Variants in USP47 observed in about 807,000 individuals in gnomAD.
USP47 encodes the protein ubiquitin carboxyl-terminal hydrolase 47.
A neutral mutation model predicts 165.1 loss-of-function variants in USP47; 35 were observed. The ratio of observed to expected loss-of-function variants is 0.21; its 90% CI spans 0.16 to 0.28. The LOEUF (loss-of-function observed/expected upper bound fraction) is 0.28. USP47 is among the 10% of genes least tolerant of loss of function. USP47 has a pLI of 1.00. For missense variants in USP47, 1,277 were observed against 1,607.4 expected, an observed-to-expected ratio of 0.79 and a Z score of 3.52; for synonymous variants, 531 against 544.5, an observed-to-expected ratio of 0.98 and a Z score of 0.35.
At chr11:11,877,425 TTATC>T (rs1564860581) in intron 1 of USP47, among the ~76,000 whole-genome samples, 3 of 152,150 alleles carry the variant, frequency 2.0e-5, no homozygotes, top group African/African-American at 7.2e-5. Flanking sequence ...GCAGAGCTTT[TTATC>T]TGTTTAAATC....
At chr11:11,938,033 G>C (rs1855200940) in intron 17 of USP47, among the ~76,000 whole-genome samples, 4 of 151,948 alleles carry the variant, frequency 2.6e-5, no homozygotes, top group Admixed American at 2.6e-4. Context: ...TGATGAACAA[G>C]GTGGCTTAAT....
At position 11,958,403 on chromosome 11, in the gene USP47, G is replaced by A. The variant is rs992227954; in HGVS notation, c.*2228G>A. 1.6e-4 allele frequency: 24 copies of A among 152,230 alleles called. No individual in the cohort carries two copies. The highest frequency in any genetic ancestry group is 5.9e-5 in the Non-Finnish European group (4 of 68,046). The allele number at this position is 152,230 out of a possible 1,614,324, so 9.4% of individuals were successfully genotyped here. On this transcript the variant is annotated 3_prime_UTR_variant, in exon 28 of 28. Transcript: ENST00000527733. The stretch of plus-strand genomic sequence containing the variant: ...GTGCCTGATAGAGTGAAAACACAAA[G>A]TTGCACTTTAATAATTTCAATAAAA...
intron 8 of USP47, among the ~76,000 whole-genome samples, chr11:11,912,080 AGAGG>A (rs1345223231): frequency 1.3e-5 from 2 of 152,016 alleles, no homozygotes; most frequent in Non-Finnish European, 2.9e-5. Flanking sequence ...AGCAATACCG[AGAGG>A]GAAACTCACA....
At chr11:11,929,034 T>C (rs143276224) in intron 11 of USP47, among the ~76,000 whole-genome samples, 1 of 152,146 alleles carries the variant, frequency 6.6e-6, no homozygotes, top group East Asian at 1.9e-4. Flanking sequence ...AGCTCTTTTG[T>C]AAAGGAAATA....
At chr11:11,944,232 G>A (rs1332309932) in intron 20 of USP47, among the ~76,000 whole-genome samples, 1 of 150,680 alleles carries the variant, frequency 6.6e-6, no homozygotes, top group African/African-American at 2.4e-5. Flanking sequence ...GCAGCCTTAT[G>A]CTTCATCTCA....
In USP47 at chr11:11,958,271, A is replaced by G. The variant is rs1440096236; in HGVS notation, c.*2096A>G. Reference sequence around the variant, plus strand: ...TGCCTTCTGCTCTGTTCTTTGTTTTATGTTTAACTGCTGTTTCTAATTGCA... The same window carrying G: ...TGCCTTCTGCTCTGTTCTTTGTTTTGTGTTTAACTGCTGTTTCTAATTGCA... On this transcript the variant is annotated 3_prime_UTR_variant, in exon 28 of 28. Transcript: ENST00000527733. 1 of 152,180 alleles carries G rather than the reference A, an allele frequency of 6.6e-6. No individual in the cohort carries two copies. The highest frequency in any genetic ancestry group is 2.4e-5 in the African/African-American group (1 of 41,442). 9.4% of individuals were successfully genotyped at this position (152,180 alleles called of 1,614,324 possible). A position where few individuals can be genotyped will look rare whatever the true frequency, so the allele number is the denominator to read the frequency against.
At position 11,940,476 on chromosome 11, in the gene USP47, C is replaced by T; in HGVS notation, c.2241C>T (p.Cys747=). The change falls in exon 19 of 28, where the codon TGC becomes TGT. Residue 747 remains cysteine, a synonymous_variant. Transcript: ENST00000527733. ...CAATGAGAATAGTGCTGGAACGCTG[C>T]TACAATGATTTGCGTCTTCTCAGTG... ...AETMRIVLER[C]YNDLRLLSVS... The T allele has an allele frequency of 1.2e-6, 2 of 1,611,964 alleles. No individual in the cohort carries two copies. The highest frequency in any genetic ancestry group is 1.7e-6 in the Non-Finnish European group (2 of 1,178,620).
At chr11:11,905,208 A>G (rs1017061140) in intron 7 of USP47, among the ~76,000 whole-genome samples, 191 bp from the exon 8 acceptor site, 2 of 150,722 alleles carry the variant, frequency 1.3e-5, no homozygotes, top group Non-Finnish European at 3.0e-5. Context: ...GATTTTTTCT[A>G]TAAAATTTTA....
intron 24 of USP47, chr11:11,952,530 A>G (rs1856290874): frequency 2.8e-6 from 1 of 360,734 alleles, no homozygotes; most frequent in African/African-American, 2.1e-5. Context: ...ACTGGTTTGA[A>G]GAAGAGAGGA....
intron 11 of USP47, among the ~76,000 whole-genome samples, chr11:11,923,676 AGGG>A: frequency 6.6e-6 from 1 of 152,234 alleles, no homozygotes. Flanking sequence ...CATTAAATAT[AGGG>A]ATTTTTAAGG....
intron 1 of USP47, among the ~76,000 whole-genome samples, chr11:11,862,945 A>AC (rs951620503): frequency 6.6e-6 from 1 of 152,126 alleles, no homozygotes; most frequent in Non-Finnish European, 1.5e-5. Flanking sequence ...CATACATTGT[A>AC]CCCTTTAATT....
At chr11:11,872,043 A>G (rs961966526) in intron 1 of USP47, among the ~76,000 whole-genome samples, 2 of 152,190 alleles carry the variant, frequency 1.3e-5, no homozygotes, top group African/African-American at 4.8e-5. Context: ...CCCCAGATCT[A>G]GTGACTTTTC....
intron 24 of USP47, 65 bp downstream of exon 24, chr11:11,950,547 A>G (rs902105057): frequency 1.8e-6 from 2 of 1,086,236 alleles, no homozygotes; most frequent in African/African-American, 3.2e-5. Flanking sequence ...AGAAGCCTAT[A>G]GTTTTTAATC....
At chr11:11,947,852 A>G in intron 20 of USP47, 93 bp from the exon 21 acceptor site, 1 of 1,329,702 alleles carries the variant, frequency 7.5e-7, no homozygotes, top group Non-Finnish European at 1.0e-6. Flanking sequence ...TTTACTGCAT[A>G]CAGTGTAATA....
At position 11,937,081 on chromosome 11, in the gene USP47, A is replaced by AT. The variant is rs201260105; in HGVS notation, c.2077+580dup. On this transcript the variant is annotated intron_variant, in intron 17 of 27. Transcript: ENST00000527733. The stretch of plus-strand genomic sequence containing the variant: ...ATTCACTCAGCACATTGAGTTTGTT[A>AT]TTTTTTTTTCTTTGAGACTGCTTAG... Among the ~76,000 whole-genome samples, 39 of 150,842 alleles carry AT rather than the reference A, an allele frequency of 2.6e-4. 1 individual carries two copies. In the East Asian group the frequency reaches 7.1e-3, roughly 27 times the overall value.
intron 17 of USP47, among the ~76,000 whole-genome samples, chr11:11,936,798 G>A (rs1855105088): frequency 6.6e-6 from 1 of 151,842 alleles, no homozygotes; most frequent in African/African-American, 2.4e-5. Context: ...AATCATTCTG[G>A]ATGCTGTCAA....
rs371626261 is a variant in USP47, at chr11:11,862,240, G to A, written c.40-17937G>A. ...ACACTTTATGCTTCCAAAAGCATCA[G>A]CTATAATACATTATGAAATTATTTT... On this transcript the variant is annotated intron_variant, in intron 1 of 27. Coordinates refer to ENST00000527733, the MANE Select transcript of USP47 (RefSeq NM_001282659.2). 2.3e-4 allele frequency among the ~76,000 whole-genome samples: 35 copies of A among 152,148 alleles called. 1 individual carries two copies. The South Asian group carries it at 7.3e-3, about 32-fold the overall frequency.
intron 5 of USP47, among the ~76,000 whole-genome samples, chr11:11,901,124 T>A (rs1235974136): frequency 6.6e-6 from 1 of 152,174 alleles, no homozygotes; most frequent in Non-Finnish European, 1.5e-5. Context: ...CATTGACTTC[T>A]GTGAGGCGGA....
intron 22 of USP47, among the ~76,000 whole-genome samples, chr11:11,949,599 TAAAAG>T (rs965487294): frequency 6.6e-6 from 1 of 152,134 alleles, no homozygotes; most frequent in Non-Finnish European, 1.5e-5. Context: ...TTATAACTGT[TAAAAG>T]AAGGAAAATA....
Sources: gnomAD v4.1 joint callset for allele counts (sites outside exome capture counted in the v4.1 genomes callset) on GRCh38, gnomAD v4.1.1 for gene constraint, MANE v1.5 for transcripts, NCBI Gene and HGNC (gene_info 2026-07-23, HGNC 2026-07-21) for gene names.